Variants in CTIF observed in about 807,000 individuals in gnomAD.
CTIF encodes cap binding complex dependent translation initiation factor.
CTIF carries 21 observed loss-of-function variants against 66.0 expected under a neutral mutation model. The observed-to-expected ratio is 0.32, with a 90% CI of 0.23 to 0.46. The LOEUF (loss-of-function observed/expected upper bound fraction) is 0.46, where lower values mean the gene tolerates loss of function less well. Ranked by LOEUF, CTIF falls within the 20% of genes least tolerant of loss-of-function variation. The pLI is 1.00. For missense variants in CTIF, 739 were observed against 812.7 expected, an observed-to-expected ratio of 0.91 and a Z score of 1.10; for synonymous variants, 345 against 326.4, an observed-to-expected ratio of 1.06 and a Z score of -0.62.
At chr18:48,667,605 A>G (rs936141441) in intron 5 of CTIF, among the ~76,000 whole-genome samples, 1 of 152,242 alleles carries the variant, frequency 6.6e-6, no homozygotes, top group Non-Finnish European at 1.5e-5. Context: ...CTAGCAAAAA[A>G]GCGATGAATA....
intron 7 of CTIF, among the ~76,000 whole-genome samples, chr18:48,756,886 C>T (rs1407511958): frequency 6.6e-6 from 1 of 152,238 alleles, no homozygotes; most frequent in Non-Finnish European, 1.5e-5. Flanking sequence ...TTGACCTACA[C>T]CCATCATGTT....
At chr18:48,754,433 G>C (rs2145839658) in intron 7 of CTIF, among the ~76,000 whole-genome samples, 1 of 152,338 alleles carries the variant, frequency 6.6e-6, no homozygotes, top group Non-Finnish European at 1.5e-5. Flanking sequence ...ACAGAGGCCA[G>C]TCCCAGCAAT....
chr18:48,584,907 T>C (rs1048819675), intron 1 of CTIF, among the ~76,000 whole-genome samples: 5 of 152,262 alleles, frequency 3.3e-5, no homozygotes, highest in African/African-American at 1.2e-4. Flanking sequence ...CTGAGGGATT[T>C]TGACAAATGT....
At chr18:48,630,702 GTCTCGC>G (rs1221181472) in intron 2 of CTIF, among the ~76,000 whole-genome samples, 2 of 149,776 alleles carry the variant, frequency 1.3e-5, no homozygotes, top group East Asian at 3.9e-4. Context: ...TTGAGTTGGA[GTCTCGC>G]TCTGTTGCCC....
chr18:48,617,523 A>G (rs2090421069), intron 1 of CTIF, among the ~76,000 whole-genome samples: 1 of 152,230 alleles, frequency 6.6e-6, no homozygotes, highest in Admixed American at 6.5e-5. Flanking sequence ...GGAGCAGAGT[A>G]GCCAGGGGCT....
intron 10 of CTIF, among the ~76,000 whole-genome samples, chr18:48,827,235 A>G (rs1483114320): frequency 6.6e-6 from 1 of 152,208 alleles, no homozygotes; most frequent in African/African-American, 2.4e-5. Context: ...TCAACAAACA[A>G]TGAGAAAAAT....
At chr18:48,788,342 CACCA>C (rs368243706) in intron 9 of CTIF, among the ~76,000 whole-genome samples, 38 of 152,296 alleles carry the variant, frequency 2.5e-4, no homozygotes, top group African/African-American at 9.1e-4. Context: ...GAGGGGCAGA[CACCA>C]ACATTTCAGG....
chr18:48,753,144 C>T (rs1312610033), intron 7 of CTIF, among the ~76,000 whole-genome samples: 1 of 152,174 alleles, frequency 6.6e-6, no homozygotes, highest in Non-Finnish European at 1.5e-5. Context: ...AGTGGAGGTG[C>T]CTACGCTGGT....
At chr18:48,723,312 G>C (rs1362196795) in intron 7 of CTIF, among the ~76,000 whole-genome samples, 1 of 152,074 alleles carries the variant, frequency 6.6e-6, no homozygotes, top group East Asian at 1.9e-4. Flanking sequence ...TGGACTAGGG[G>C]AGGGCTGCTG....
At chr18:48,784,066 G>A (rs149167834) in intron 9 of CTIF, among the ~76,000 whole-genome samples, 97 of 152,358 alleles carry the variant, frequency 6.4e-4, no homozygotes, top group Non-Finnish European at 1.1e-3. Context: ...TCCAGGCAGC[G>A]AGATGGTGGA....
chr18:48,616,825 G>A (rs1015132067), intron 1 of CTIF, among the ~76,000 whole-genome samples: 1 of 152,184 alleles, frequency 6.6e-6, no homozygotes, highest in Non-Finnish European at 1.5e-5. Context: ...GTGCATATAA[G>A]GACCTCTAGA....
Position 48,706,615 on chromosome 18 carries a change from T to G in CTIF, c.508-5004T>G, listed in dbSNP as rs541036952. ...GGCCAGAGCTCTGCTGGGCCTGCCC[T>G]TAATCCCTCAGAAATACCCACCACA... is the stretch of plus-strand genomic sequence containing the variant. On this transcript the variant is annotated intron_variant, in intron 6 of 11. Coordinates refer to ENST00000256413, the MANE Select transcript of CTIF (RefSeq NM_014772.3). 1.5e-4 allele frequency among the ~76,000 whole-genome samples: 23 copies of G among 152,326 alleles called. 1 individual carries two copies. The highest frequency in any genetic ancestry group is 5.5e-4 in the African/African-American group (23 of 41,562).
At chr18:48,551,231 G>T (rs982756963) in intron 1 of CTIF, among the ~76,000 whole-genome samples, 1 of 151,606 alleles carries the variant, frequency 6.6e-6, no homozygotes, top group South Asian at 2.1e-4. Context: ...AAGTCAAGAC[G>T]GAGGCCTTGG....
At chr18:48,849,610 A>G (rs2069155120) in intron 10 of CTIF, among the ~76,000 whole-genome samples, 1 of 132,184 alleles carries the variant, frequency 7.6e-6, no homozygotes, top group Admixed American at 7.8e-5. Flanking sequence ...TTTTTGAGAC[A>G]GAGTTTCACT....
At chr18:48,669,686 T>C (rs2091490434) in intron 5 of CTIF, among the ~76,000 whole-genome samples, 3 of 150,386 alleles carry the variant, frequency 2.0e-5, no homozygotes, top group Non-Finnish European at 4.4e-5. Context: ...GTATTTACCA[T>C]TAAACATATG....
At chr18:48,685,823 C>G (rs1233843230) in intron 6 of CTIF, among the ~76,000 whole-genome samples, 1 of 151,966 alleles carries the variant, frequency 6.6e-6, no homozygotes, top group Non-Finnish European at 1.5e-5. Context: ...ATTACAGGTG[C>G]CTGCCACCAC....
intron 10 of CTIF, among the ~76,000 whole-genome samples, chr18:48,856,198 G>A (rs1282552130): frequency 6.6e-6 from 1 of 152,214 alleles, no homozygotes; most frequent in African/African-American, 2.4e-5. Context: ...GGCACTCGGT[G>A]TCAGCACACC....
chr18:48,805,937 T>G (rs1336280386), intron 9 of CTIF, among the ~76,000 whole-genome samples: 1 of 152,204 alleles, frequency 6.6e-6, no homozygotes, highest in African/African-American at 2.4e-5. Flanking sequence ...CAAGTCCCAT[T>G]CCAGGGGACA....
chr18:48,831,525 A>G (rs970612491), intron 10 of CTIF, among the ~76,000 whole-genome samples: 9 of 152,166 alleles, frequency 5.9e-5, no homozygotes, highest in Non-Finnish European at 1.3e-4. Context: ...AGTTAGGAGT[A>G]TGTGCAGGGG....
Sources: allele counts gnomAD v4.1 joint callset (sites outside exome capture counted in the v4.1 genomes callset), GRCh38; gene constraint gnomAD v4.1.1; transcripts MANE v1.5; gene names NCBI Gene and HGNC (gene_info 2026-07-23, HGNC 2026-07-21).